Variants in STX7 observed in about 807,000 individuals in gnomAD.
The protein encoded by STX7 is syntaxin-7.
STX7 carries 34 observed loss-of-function variants against 39.6 expected under a neutral mutation model. The observed-to-expected ratio is 0.86, with a 90% confidence interval of 0.65 to 1.14. The LOEUF (loss-of-function observed/expected upper bound fraction) is 1.14, where lower values mean the gene tolerates loss of function less well. STX7 is among the 50% of genes most tolerant of loss of function. The pLI, the probability that STX7 is intolerant of heterozygous loss-of-function variation, is 0.00. For missense variants in STX7, 284 were observed against 310.4 expected (o/e 0.92, Z 0.64); for synonymous variants, 119 against 99.1 (o/e 1.20, Z -1.19).
intron 2 of STX7, 134 bp downstream of exon 2, chr6:132,503,312 C>G: frequency 1.5e-6 from 1 of 662,022 alleles, no homozygotes; most frequent in Non-Finnish European, 2.6e-6. Flanking sequence ...CTAAAGAGTT[C>G]GAGCCCTTTA....
At chr6:132,485,313 G>T (rs1232671210) in intron 2 of STX7, among the ~76,000 whole-genome samples, 3 of 152,190 alleles carry the variant, frequency 2.0e-5, no homozygotes, top group Non-Finnish European at 4.4e-5. Flanking sequence ...AAAGGATGGT[G>T]TCTGGCTTAA....
At chr6:132,463,117 G>A (rs1289177658) in intron 9 of STX7, among the ~76,000 whole-genome samples, 2 of 152,010 alleles carry the variant, frequency 1.3e-5, no homozygotes, top group African/African-American at 4.8e-5. Context: ...GCTGAGGCAA[G>A]AGAATGTCTT....
chr6:132,505,447 G>A (rs1328503252), intron 1 of STX7, among the ~76,000 whole-genome samples: 2 of 152,302 alleles, frequency 1.3e-5, no homozygotes, highest in East Asian at 3.9e-4. Context: ...AAGTCCTGGT[G>A]GCTTTTAGAT....
chr6:132,461,208 G>A (rs753366321), intron 9 of STX7, among the ~76,000 whole-genome samples: 4 of 152,124 alleles, frequency 2.6e-5, no homozygotes, highest in Non-Finnish European at 4.4e-5. Context: ...AACAGCTTAC[G>A]AGCTTAAACA....
rs1195008843 is a variant in STX7 at position 132,446,490 on chromosome 6, T to C, written c.*14268A>G. Reference sequence around the variant, plus strand: ...AGAATGAGGTTTTAAGAGATAATCTTTGTTTCTAATTAAGTGTGGAAGCTA... The same window carrying C: ...AGAATGAGGTTTTAAGAGATAATCTCTGTTTCTAATTAAGTGTGGAAGCTA... On this transcript the variant is annotated 3_prime_UTR_variant, in exon 10 of 10. Transcript: ENST00000367941. The C allele has an allele frequency of 1.3e-5, 2 of 152,198 alleles. No homozygotes were observed. 9.4% of individuals were successfully genotyped at this position (152,198 alleles called of 1,614,324 possible).
Position 132,471,443 on chromosome 6 carries a change from A to T in STX7, c.387+20T>A. ...GCAAGTAACCATGTTCATTTCTAGA[A>T]TGTCTTTTAAAATACTTACAGACAC... is the stretch of plus-strand genomic sequence containing the variant. On this transcript the variant is annotated intron_variant, in intron 5 of 9. Coordinates refer to ENST00000367941, the MANE Select transcript of STX7 (RefSeq NM_003569.3). 2.5e-6 allele frequency: 4 copies of T among 1,604,258 alleles called. No individual in the cohort carries two copies. Among genetic ancestry groups the T allele is most frequent in the Non-Finnish European group, 3.4e-6 (4 of 1,176,570 alleles).
intron 8 of STX7, among the ~76,000 whole-genome samples, chr6:132,467,881 T>C (rs555563083): frequency 2.0e-4 from 30 of 152,244 alleles, no homozygotes; most frequent in Middle Eastern, 6.8e-3. Context: ...CTTAGCAACT[T>C]TAGAAAAGAA....
chr6:132,457,514 A>C lies in STX7; in HGVS notation c.*3244T>G, dbSNP rs1161967424. The C allele has an allele frequency of 6.6e-6, 1 of 152,240 alleles. No homozygotes were observed. Among genetic ancestry groups the C allele is most frequent in the East Asian group, 1.9e-4 (1 of 5,200 alleles). 9.4% of individuals were successfully genotyped at this position (152,240 alleles called of 1,614,324 possible). Reference sequence around the variant, plus strand: ...GTTGTTAAACAGAATTTTGTCAAAGAAGCAGTACACTGTAACACTTTCAGG... The same window carrying C: ...GTTGTTAAACAGAATTTTGTCAAAGCAGCAGTACACTGTAACACTTTCAGG... On this transcript the variant is annotated 3_prime_UTR_variant, in exon 10 of 10. Transcript: ENST00000367941.
At chr6:132,480,643 G>A (rs1450942010) in intron 2 of STX7, among the ~76,000 whole-genome samples, 1 of 152,158 alleles carries the variant, frequency 6.6e-6, no homozygotes, top group East Asian at 1.9e-4. Flanking sequence ...GAGGGGGCCT[G>A]ATAATACTGC....
In STX7 at chr6:132,472,364, T is replaced by C; in HGVS notation, c.167A>G (p.Gln56Arg). The change falls in exon 4 of 10, where the codon CAG becomes CGG. Residue 56 changes from glutamine to arginine, a missense_variant. Gln to Arg is a conservative substitution (Grantham distance 43, BLOSUM62 1). Transcript: ENST00000367941. ...PELRQQLQQK[Q>R]QYTNQLAKET... ...TTTGGCAAGCTGGTTAGTATACTGC[T>C]GCTTCTGTTGCCTAAAGTGAGAAAA... The C allele has an allele frequency of 6.2e-7, 1 of 1,611,176 alleles. No individual in the cohort carries two copies. Among genetic ancestry groups the C allele is most frequent in the Non-Finnish European group, 8.5e-7 (1 of 1,179,152 alleles).
At chr6:132,474,415 C>T (rs1283701956) in intron 3 of STX7, among the ~76,000 whole-genome samples, 1 of 152,046 alleles carries the variant, frequency 6.6e-6, no homozygotes, top group Admixed American at 6.6e-5. Flanking sequence ...CACTTACCCA[C>T]TGTGGAAAAA....
intron 3 of STX7, 32 bp from the exon 4 acceptor site, chr6:132,472,407 G>T: frequency 6.6e-7 from 1 of 1,516,214 alleles, no homozygotes. Context: ...TACAGCCAAA[G>T]GACTAATATA....
intron 2 of STX7, among the ~76,000 whole-genome samples, chr6:132,480,118 C>T (rs895725107): frequency 6.6e-6 from 1 of 152,146 alleles, no homozygotes; most frequent in African/African-American, 2.4e-5. Flanking sequence ...CCTAATCCAC[C>T]TATTAGTCAC....
At chr6:132,460,992 T>G (rs1285189832) in intron 9 of STX7, 142 bp from the exon 10 acceptor site, 17 of 637,512 alleles carry the variant, frequency 2.7e-5, no homozygotes, top group Non-Finnish European at 4.4e-5. Flanking sequence ...TTGACTGTGT[T>G]TTTTTGTTCC....
chr6:132,495,131 G>C lies in STX7; in HGVS notation c.85+8315C>G, dbSNP rs541904553. ...TATGGTTCACAGATAGGAGAGTGAG[G>C]GATAAAGCTCCTTGAAGCATCTTGG... On this transcript the variant is annotated intron_variant, in intron 2 of 9. Transcript: ENST00000367941. Among the ~76,000 whole-genome samples, 22 of 152,206 alleles carry C rather than the reference G, an allele frequency of 1.4e-4. No homozygotes were observed. In the South Asian group the frequency reaches 1.5e-3, roughly 10 times the overall value.
Position 132,455,408 on chromosome 6 carries a change from A to G in STX7, c.*5350T>C, listed in dbSNP as rs1303183610. 6.6e-6 allele frequency: 1 copy of G among 152,236 alleles called. No individual in the cohort carries two copies. The highest frequency in any genetic ancestry group is 1.9e-4 in the East Asian group (1 of 5,206). 9.4% of individuals were successfully genotyped at this position (152,236 alleles called of 1,614,324 possible). On this transcript the variant is annotated 3_prime_UTR_variant, in exon 10 of 10. Transcript: ENST00000367941. ...GTAACTACTGCCTAACGATACTTACAGTAAACACTTAAAAATTTGTACTTT... is the reference window on the plus strand; with the variant it reads ...GTAACTACTGCCTAACGATACTTACGGTAAACACTTAAAAATTTGTACTTT...
At chr6:132,487,749 T>C (rs1415865576) in intron 2 of STX7, among the ~76,000 whole-genome samples, 1 of 152,226 alleles carries the variant, frequency 6.6e-6, no homozygotes, top group Non-Finnish European at 1.5e-5. Context: ...ATATAAAATA[T>C]GTAGAATTTA....
intron 9 of STX7, among the ~76,000 whole-genome samples, chr6:132,462,904 G>A (rs1338402674): frequency 6.6e-6 from 1 of 152,108 alleles, no homozygotes. Flanking sequence ...CTGAGAAGGT[G>A]ACAATATCTT....
intron 1 of STX7, among the ~76,000 whole-genome samples, chr6:132,508,031 C>T (rs1304323671): frequency 6.6e-6 from 1 of 152,224 alleles, no homozygotes; most frequent in Non-Finnish European, 1.5e-5. Flanking sequence ...TTGGGCAAGA[C>T]ACTTAGCATT....
Sources: allele counts gnomAD v4.1 joint callset (sites outside exome capture counted in the v4.1 genomes callset), GRCh38; gene constraint gnomAD v4.1.1; transcripts MANE v1.5; gene names NCBI Gene and HGNC (gene_info 2026-07-23, HGNC 2026-07-21).